TENM4: variants seen among roughly 807,000 people sequenced by gnomAD.
The protein encoded by TENM4 is teneurin-4.
In TENM4, 82 loss-of-function variants were observed where a neutral mutation model predicts 243.3. The ratio of observed to expected loss-of-function variants is 0.34; its 90% CI spans 0.28 to 0.40. The LOEUF (loss-of-function observed/expected upper bound fraction) is 0.40, where lower values mean the gene tolerates loss of function less well. Ranked by LOEUF, TENM4 falls within the 10% of genes least tolerant of loss-of-function variation. TENM4 has a pLI of 1.00. For missense variants in TENM4, 3,138 were observed against 3,673.3 expected, an observed-to-expected ratio of 0.85 and a Z score of 3.77; for synonymous variants, 1,412 against 1,456.3, an observed-to-expected ratio of 0.97 and a Z score of 0.69.
At chr11:78,739,468 C>T (rs773248759) in intron 19 of TENM4, among the ~76,000 whole-genome samples, 63 of 152,146 alleles carry the variant, frequency 4.1e-4, no homozygotes, top group Non-Finnish European at 7.5e-4. Context: ...ATACACACTC[C>T]TCCCTTCCAC....
At position 79,164,972 on chromosome 11, in the gene TENM4, T is replaced by C. The variant is rs1760373469; in HGVS notation, c.-162-16166A>G. Among the ~76,000 whole-genome samples, 3 of 151,800 alleles carry C rather than the reference T, an allele frequency of 2.0e-5. No individual in the cohort carries two copies. The South Asian group carries it at 6.3e-4, about 32-fold the overall frequency. ...CTATATATATATGTGTGTGTGTGTG[T>C]GTGTGTGTGTGTGTGTGTGTGTGTA... On this transcript the variant is annotated intron_variant, in intron 3 of 33. Coordinates refer to ENST00000278550, the MANE Select transcript of TENM4 (RefSeq NM_001098816.3).
intron 2 of TENM4, among the ~76,000 whole-genome samples, chr11:79,273,039 C>G (rs1855996358): frequency 6.6e-6 from 1 of 152,136 alleles, no homozygotes; most frequent in African/African-American, 2.4e-5. Flanking sequence ...TTACACTTAC[C>G]CAAAAGAGCA....
In TENM4 at chr11:79,133,634, A is replaced by G. The variant is rs146727260; in HGVS notation, c.-66+15076T>C. Among the ~76,000 whole-genome samples the G allele has an allele frequency of 6.9e-3, 1,052 of 152,248 alleles. 12 individuals are homozygous for G. Among genetic ancestry groups the G allele is most frequent in the African/African-American group, 0.024 (996 of 41,564 alleles). On this transcript the variant is annotated intron_variant, in intron 4 of 33. Coordinates refer to ENST00000278550, the MANE Select transcript of TENM4 (RefSeq NM_001098816.3). ...ACTAGCTAACCAAATCCAACAACAT[A>G]TGAAAAAAAAATAATTCACCTGATC...
At chr11:78,986,200 G>A (rs75046547) in intron 6 of TENM4, among the ~76,000 whole-genome samples, 1,645 of 152,274 alleles carry the variant, frequency 0.011, 36 homozygotes, top group African/African-American at 0.037. Flanking sequence ...CTGAAGGAGT[G>A]AAGTGAGATT....
chr11:78,954,597 G>C (rs912999399), intron 6 of TENM4, among the ~76,000 whole-genome samples: 1 of 152,182 alleles, frequency 6.6e-6, no homozygotes, highest in Non-Finnish European at 1.5e-5. Flanking sequence ...CAGACATTCT[G>C]TCACCAGAAT....
At chr11:78,856,920 C>G (rs531726872) in intron 10 of TENM4, among the ~76,000 whole-genome samples, 5 of 152,204 alleles carry the variant, frequency 3.3e-5, no homozygotes, top group Non-Finnish European at 7.3e-5. Context: ...AGGCTCCCAA[C>G]CCTGTGCTAA....
At chr11:78,765,155 C>A (rs1856517620) in intron 18 of TENM4, among the ~76,000 whole-genome samples, 1 of 152,186 alleles carries the variant, frequency 6.6e-6, no homozygotes, top group Admixed American at 6.5e-5. Flanking sequence ...ACAATAGTAT[C>A]TGAGGAGGCC....
At chr11:78,911,133 T>C (rs75061459) in intron 6 of TENM4, among the ~76,000 whole-genome samples, 10,986 of 152,244 alleles carry the variant, frequency 0.072, 609 homozygotes, top group African/African-American at 0.16. Flanking sequence ...TATGATGCAG[T>C]GGTTTTTAAA....
chr11:79,232,516 G>T (rs1268364656), intron 2 of TENM4, among the ~76,000 whole-genome samples: 2 of 152,166 alleles, frequency 1.3e-5, no homozygotes, highest in Admixed American at 6.5e-5. Flanking sequence ...GTGGCAGCTG[G>T]CCCATTTATT....
chr11:79,370,779 T>TAAAAAAAAAAAAAAAAAAAAAA (rs544196671), intron 1 of TENM4, among the ~76,000 whole-genome samples: 1 of 57,144 alleles, frequency 1.7e-5, no homozygotes, highest in African/African-American at 5.9e-5. Context: ...ACTCCTATGG[T>TAAAAAAAAAAAAAAAAAAAAAA]AAAAAAAAAA....
chr11:79,355,038 T>A (rs1261723410), intron 1 of TENM4, among the ~76,000 whole-genome samples: 2 of 152,368 alleles, frequency 1.3e-5, no homozygotes, highest in East Asian at 1.9e-4. Context: ...AGAAGCCATT[T>A]GTTGACAAGA....
intron 3 of TENM4, among the ~76,000 whole-genome samples, chr11:79,158,421 G>A (rs573621561): frequency 1.3e-5 from 2 of 152,178 alleles, no homozygotes; most frequent in African/African-American, 4.8e-5. Context: ...TAGCTACAAG[G>A]TCTCAACAAC....
In TENM4 at chr11:79,066,572, G is replaced by A. The variant is rs34701454; in HGVS notation, c.224-1565C>T. Among the ~76,000 whole-genome samples the A allele has an allele frequency of 5.7e-3, 873 of 152,076 alleles. 6 individuals carry two copies. Among genetic ancestry groups the A allele is most frequent in the African/African-American group, 0.013 (534 of 41,472 alleles). ...CATGCAGACACACACAGACGTGCAC[G>A]CGCACACACACATGCACACAAGCAC... On this transcript the variant is annotated intron_variant, in intron 5 of 33. Transcript: ENST00000278550.
At chr11:79,281,857 C>T (rs562598614) in intron 2 of TENM4, among the ~76,000 whole-genome samples, 33 of 152,332 alleles carry the variant, frequency 2.2e-4, no homozygotes, top group Admixed American at 3.9e-4. Context: ...CTTTAAGGTC[C>T]GCCTTCTGGG....
chr11:79,251,947 A>G (rs1855618407), intron 2 of TENM4, among the ~76,000 whole-genome samples: 1 of 152,228 alleles, frequency 6.6e-6, no homozygotes, highest in Non-Finnish European at 1.5e-5. Flanking sequence ...AGGGAACTAG[A>G]TGGAAAATAT....
intron 6 of TENM4, among the ~76,000 whole-genome samples, chr11:78,968,853 C>T (rs565259275): frequency 6.6e-6 from 1 of 152,270 alleles, no homozygotes; most frequent in East Asian, 1.9e-4. Flanking sequence ...GGATTTTCCA[C>T]CAGGCATAGG....
intron 12 of TENM4, among the ~76,000 whole-genome samples, chr11:78,833,014 A>G (rs1858018208): frequency 1.3e-5 from 2 of 152,226 alleles, no homozygotes; most frequent in African/African-American, 4.8e-5. Flanking sequence ...ATCCAAATGC[A>G]CGGTGCTAAG....
At chr11:78,865,100 C>T (rs1403649505) in intron 9 of TENM4, among the ~76,000 whole-genome samples, 3 of 152,098 alleles carry the variant, frequency 2.0e-5, no homozygotes, top group Non-Finnish European at 4.4e-5. Context: ...CATATTAAGG[C>T]TCAGAAGGTT....
intron 4 of TENM4, among the ~76,000 whole-genome samples, chr11:79,119,367 T>C (rs1861690355): frequency 6.6e-6 from 1 of 150,960 alleles, no homozygotes; most frequent in South Asian, 2.1e-4. Flanking sequence ...ATAATCATTA[T>C]CATTATTGTC....
Sources: allele counts gnomAD v4.1 joint callset (sites outside exome capture counted in the v4.1 genomes callset), GRCh38; gene constraint gnomAD v4.1.1; transcripts MANE v1.5; gene names NCBI Gene and HGNC (gene_info 2026-07-23, HGNC 2026-07-21).